Variants in LIN7A observed in about 807,000 individuals in gnomAD.
LIN7A encodes lin-7 cell polarity scaffold A.
Under a neutral mutation model 29.8 loss-of-function variants are expected in LIN7A, and 25 were observed. That is an observed-to-expected ratio of 0.84 (90% confidence interval 0.61 to 1.17). LIN7A has a LOEUF of 1.17. Ranked by LOEUF, LIN7A falls within the 50% of genes most tolerant of loss-of-function variation. The pLI is 0.00. For synonymous variants in LIN7A, 118 were observed against 107.5 expected (o/e 1.10, Z -0.60); for missense variants, 239 against 287.0 (o/e 0.83, Z 1.21).
chr12:80,856,787 G>T (rs921742805), intron 2 of LIN7A, among the ~76,000 whole-genome samples: 7 of 152,132 alleles, frequency 4.6e-5, no homozygotes, highest in Non-Finnish European at 7.3e-5. Flanking sequence ...ATCCTGACAA[G>T]ATGTATCTGA....
At chr12:80,833,456 A>T (rs1468693171) in intron 4 of LIN7A, among the ~76,000 whole-genome samples, 1 of 152,196 alleles carries the variant, frequency 6.6e-6, no homozygotes, top group African/African-American at 2.4e-5. Context: ...CAGAACTTCT[A>T]AGAGTGTCCT....
intron 4 of LIN7A, among the ~76,000 whole-genome samples, chr12:80,817,122 G>T (rs531931426): frequency 2.6e-5 from 4 of 152,218 alleles, no homozygotes; most frequent in African/African-American, 9.6e-5. Flanking sequence ...TTTACTATTT[G>T]TATACACTGT....
At chr12:80,842,283 G>C (rs1210462896) in intron 4 of LIN7A, among the ~76,000 whole-genome samples, 2 of 152,008 alleles carry the variant, frequency 1.3e-5, no homozygotes, top group African/African-American at 2.4e-5. Context: ...AAAAAGTAAA[G>C]AAATTATTCC....
intron 1 of LIN7A, among the ~76,000 whole-genome samples, chr12:80,918,382 C>A (rs1395743243): frequency 6.6e-6 from 1 of 152,074 alleles, no homozygotes; most frequent in African/African-American, 2.4e-5. Context: ...ATTCCTGAAC[C>A]AAGTAGGTGG....
chr12:80,919,230 C>T (rs1486728933), intron 1 of LIN7A, among the ~76,000 whole-genome samples: 1 of 152,182 alleles, frequency 6.6e-6, no homozygotes, highest in African/African-American at 2.4e-5. Flanking sequence ...TCTGGGAACA[C>T]AGTTTCTTAC....
At chr12:80,866,886 G>T (rs1387152315) in intron 2 of LIN7A, among the ~76,000 whole-genome samples, 1 of 152,096 alleles carries the variant, frequency 6.6e-6, no homozygotes, top group Non-Finnish European at 1.5e-5. Flanking sequence ...AAAGGCTGCC[G>T]TAGTTCCAAA....
chr12:80,879,088 T>C (rs2120565485), intron 2 of LIN7A, among the ~76,000 whole-genome samples: 1 of 152,346 alleles, frequency 6.6e-6, no homozygotes, highest in African/African-American at 2.4e-5. Context: ...ATATTCCAAG[T>C]ATCCATACAT....
chr12:80,917,126 A>C (rs1877065985), intron 1 of LIN7A, among the ~76,000 whole-genome samples: 1 of 152,210 alleles, frequency 6.6e-6, no homozygotes, highest in African/African-American at 2.4e-5. Context: ...GACTGAATGA[A>C]GCTCAGGGTA....
At chr12:80,822,596 C>A (rs1217515878) in intron 4 of LIN7A, among the ~76,000 whole-genome samples, 1 of 152,146 alleles carries the variant, frequency 6.6e-6, no homozygotes, top group East Asian at 1.9e-4. Context: ...AAAGGGGTAA[C>A]TGCCCCAGTG....
chr12:80,882,478 G>T (rs1180430872), intron 2 of LIN7A, among the ~76,000 whole-genome samples: 3 of 149,670 alleles, frequency 2.0e-5, no homozygotes, highest in Non-Finnish European at 3.0e-5. Context: ...TAGAGACGGG[G>T]TTTCACCGTT....
At chr12:80,858,880 T>C (rs953596139) in intron 2 of LIN7A, among the ~76,000 whole-genome samples, 3 of 152,114 alleles carry the variant, frequency 2.0e-5, no homozygotes, top group East Asian at 1.9e-4. Context: ...TTAAAATAGG[T>C]CTTTATCAGG....
chr12:80,888,409 G>A (rs1218653769), intron 2 of LIN7A, among the ~76,000 whole-genome samples: 2 of 152,158 alleles, frequency 1.3e-5, no homozygotes, highest in Non-Finnish European at 2.9e-5. Context: ...GAAAGGTGGA[G>A]TAACACAAGC....
intron 2 of LIN7A, among the ~76,000 whole-genome samples, chr12:80,867,684 C>T (rs968428607): frequency 4.6e-5 from 7 of 152,078 alleles, no homozygotes; most frequent in Admixed American, 3.3e-4. Flanking sequence ...ATGAAGATGA[C>T]AGGGTTCAGA....
intron 2 of LIN7A, among the ~76,000 whole-genome samples, chr12:80,857,568 T>C (rs1873666155): frequency 6.6e-6 from 1 of 152,218 alleles, no homozygotes; most frequent in Non-Finnish European, 1.5e-5. Flanking sequence ...ATGTGATACA[T>C]GCCATTTATG....
intron 1 of LIN7A, among the ~76,000 whole-genome samples, chr12:80,903,054 T>C (rs1876306571): frequency 6.6e-6 from 1 of 150,944 alleles, no homozygotes; most frequent in Non-Finnish European, 1.5e-5. Flanking sequence ...TCAACAAACA[T>C]TGAAGAAACA....
chr12:80,805,740 G>A (rs1870943804), intron 5 of LIN7A, among the ~76,000 whole-genome samples: 1 of 151,994 alleles, frequency 6.6e-6, no homozygotes, highest in Non-Finnish European at 1.5e-5. Flanking sequence ...AACTTGAGTT[G>A]TATCTCCCAG....
At chr12:80,900,208 A>T (rs1876139500) in intron 1 of LIN7A, among the ~76,000 whole-genome samples, 1 of 152,098 alleles carries the variant, frequency 6.6e-6, no homozygotes, top group Admixed American at 6.6e-5. Context: ...CTTTCAAAAA[A>T]CAAGCTCCTG....
At chr12:80,843,049 GCTTTA>G (rs912626961) in intron 4 of LIN7A, among the ~76,000 whole-genome samples, 1 of 152,168 alleles carries the variant, frequency 6.6e-6, no homozygotes, top group South Asian at 2.1e-4. Flanking sequence ...AAAAAATGAT[GCTTTA>G]CTTATTAGCA....
chr12:80,901,575 T>G (rs972505473), intron 1 of LIN7A, among the ~76,000 whole-genome samples: 1 of 152,102 alleles, frequency 6.6e-6, no homozygotes, highest in African/African-American at 2.4e-5. Context: ...TAAATCCCAG[T>G]TCCCTTTTAT....
Sources: gnomAD v4.1 joint callset for allele counts (sites outside exome capture counted in the v4.1 genomes callset) on GRCh38, gnomAD v4.1.1 for gene constraint, MANE v1.5 for transcripts, NCBI Gene and HGNC (gene_info 2026-07-23, HGNC 2026-07-21) for gene names.